The following CLTB variants were observed in gnomAD, a reference collection of about 807,000 sequenced individuals.
CLTB encodes clathrin light chain B, also known as clathrin, light chain (Lcb).
Under a neutral mutation model 30.5 loss-of-function variants are expected in CLTB, and 10 were observed. The observed-to-expected ratio is 0.33, with a 90% confidence interval of 0.20 to 0.56. The LOEUF (loss-of-function observed/expected upper bound fraction) is 0.56. Ranked by LOEUF, CLTB falls within the 20% of genes least tolerant of loss-of-function variation. The pLI, the probability that CLTB is intolerant of heterozygous loss-of-function variation, is 0.91. For synonymous variants in CLTB, 102 were observed against 120.3 expected (o/e 0.85, Z 1.00); for missense variants, 261 against 308.3 (o/e 0.85, Z 1.15).
At chr5:176,403,734 G>A (rs1206689650) in intron 2 of CLTB, among the ~76,000 whole-genome samples, 2 of 151,264 alleles carry the variant, frequency 1.3e-5, no homozygotes, top group African/African-American at 4.9e-5. Context: ...TTACAGGCGT[G>A]AGCCACGGTG....
intron 2 of CLTB, among the ~76,000 whole-genome samples, chr5:176,398,345 T>C (rs1756653480): frequency 1.3e-5 from 2 of 152,172 alleles, no homozygotes; most frequent in African/African-American, 2.4e-5. Flanking sequence ...TGCCAGCCAC[T>C]TTCTTTGTCA....
Position 176,392,703 on chromosome 5 carries a change from C to T in CLTB, c.*71G>A. ...GTAGCAGCTGCTGCGAGTCTCCACC[C>T]CGACCAAAGCAGCTGCTCCTCCTGT... On this transcript the variant is annotated 3_prime_UTR_variant, in exon 6 of 6. Coordinates refer to ENST00000310418, the MANE Select transcript of CLTB (RefSeq NM_007097.5). The surrounding 1 kb of genome is among the most constrained non-coding windows in gnomAD (Gnocchi z 5.2). 1 of 1,562,098 alleles carries T rather than the reference C, an allele frequency of 6.4e-7. No individual in the cohort carries two copies. The highest frequency in any genetic ancestry group is 1.1e-5 in the South Asian group (1 of 88,008).
intron 2 of CLTB, chr5:176,406,302 G>A (rs1051901871): frequency 1.5e-5 from 16 of 1,054,044 alleles, no homozygotes; most frequent in Non-Finnish European, 1.8e-5. Context: ...GGCAGGAGGC[G>A]ACAGTCAGGG....
At chr5:176,409,380 C>T (rs1450526784) in intron 2 of CLTB, among the ~76,000 whole-genome samples, 1 of 144,966 alleles carries the variant, frequency 6.9e-6, no homozygotes, top group Admixed American at 6.9e-5. Flanking sequence ...CATCTTTTCA[C>T]GTCAATACAG....
At position 176,398,006 on chromosome 5, in the gene CLTB, C is replaced by T; in HGVS notation, c.276G>A (p.Gln92=). The change falls in exon 3 of 6, where the codon CAG becomes CAA. Residue 92 remains glutamine (Q), a synonymous_variant. Coordinates refer to ENST00000310418, the MANE Select transcript of CLTB (RefSeq NM_007097.5). ...GPADGYAAIA[Q]ADRLTQEPES... ...CAGGCTCCTGGGTCAGCCTGTCAGC[C>T]TGGGCAATGGCTGCGTAGCCATCAG... is the stretch of plus-strand genomic sequence containing the variant. The T allele has an allele frequency of 6.2e-7, 1 of 1,614,132 alleles. No homozygotes were observed. The highest frequency in any genetic ancestry group is 8.5e-7 in the Non-Finnish European group (1 of 1,180,042).
intron 2 of CLTB, among the ~76,000 whole-genome samples, chr5:176,401,471 G>A (rs974276640): frequency 2.6e-5 from 4 of 152,146 alleles, no homozygotes; most frequent in Non-Finnish European, 2.9e-5. Flanking sequence ...AATCCTGAAC[G>A]TCACTTCACT....
intron 2 of CLTB, chr5:176,406,820 G>A (rs1254875099): frequency 5.2e-6 from 4 of 774,866 alleles, no homozygotes; most frequent in African/African-American, 1.9e-5. Context: ...GGCCAGACCT[G>A]CTATGCTCAA....
rs570596417 is a variant in CLTB at position 176,411,942 on chromosome 5, T to C, written c.188-1639A>G. On this transcript the variant is annotated intron_variant, in intron 1 of 5. Transcript: ENST00000310418. The stretch of plus-strand genomic sequence containing the variant: ...CTGTAATCCCAGCACTTTGGGAGGC[T>C]GAGGTGGGCAGATCACGAAGTCAGG... Among the ~76,000 whole-genome samples the C allele has an allele frequency of 5.6e-4, 85 of 152,148 alleles. 1 individual carries two copies. The highest frequency in any genetic ancestry group is 7.7e-4 in the East Asian group (4 of 5,174).
chr5:176,396,050 G>A (rs1189797699), intron 5 of CLTB, among the ~76,000 whole-genome samples: 1 of 152,114 alleles, frequency 6.6e-6, no homozygotes, highest in African/African-American at 2.4e-5. Flanking sequence ...CAGGAGAATC[G>A]CTTGAACCCA....
At chr5:176,404,080 G>A (rs572774934) in intron 2 of CLTB, among the ~76,000 whole-genome samples, 6 of 152,348 alleles carry the variant, frequency 3.9e-5, no homozygotes, top group African/African-American at 1.4e-4. Flanking sequence ...TGTTTCACAG[G>A]TAGGTAAACT....
At chr5:176,396,578 T>C (rs957943442) in intron 4 of CLTB, 46 bp from the exon 5 acceptor site, 11 of 1,423,922 alleles carry the variant, frequency 7.7e-6, no homozygotes, top group Non-Finnish European at 8.9e-6. Flanking sequence ...GGAAGGCAGA[T>C]GGCAAGACAG....
chr5:176,399,832 C>G (rs1051331442), intron 2 of CLTB, among the ~76,000 whole-genome samples: 30 of 150,372 alleles, frequency 2.0e-4, no homozygotes, highest in African/African-American at 6.8e-4. Flanking sequence ...GAGCAGAGAT[C>G]GTGCCACTGC....
At chr5:176,412,107 C>A (rs772307640) in intron 1 of CLTB, among the ~76,000 whole-genome samples, 1 of 145,082 alleles carries the variant, frequency 6.9e-6, no homozygotes, top group Non-Finnish European at 1.5e-5. Context: ...ACCCGGGAGG[C>A]GGAGCTTGCA....
At chr5:176,411,229 G>A (rs529901103) in intron 1 of CLTB, among the ~76,000 whole-genome samples, 2 of 152,102 alleles carry the variant, frequency 1.3e-5, no homozygotes, top group Non-Finnish European at 2.9e-5. Context: ...CCATTCACAG[G>A]CCCCCTTGAC....
At chr5:176,401,893 C>G in intron 2 of CLTB, 1 of 400,450 alleles carries the variant, frequency 2.5e-6, no homozygotes, top group Non-Finnish European at 5.1e-6. Context: ...CCCTCCTGCC[C>G]TCACCGCCCC....
rs1561792310 is a variant in CLTB, at chr5:176,397,322, A to ACAGCCCC, written c.464+284_464+285insGGGGCTG. 5.3e-4 allele frequency among the ~76,000 whole-genome samples: 58 copies of ACAGCCCC among 109,992 alleles called. 2 individuals carry two copies. Among genetic ancestry groups the ACAGCCCC allele is most frequent in the Non-Finnish European group, 9.1e-4 (49 of 53,916 alleles). 72.2% of individuals were successfully genotyped at this position (109,992 alleles called of 152,430 possible). On this transcript the variant is annotated intron_variant, in intron 4 of 5. Transcript: ENST00000310418. The stretch of plus-strand genomic sequence containing the variant: ...TCCCCACAGCCCCTCTCATGTCCCC[A>ACAGCCCC]TAGCCCCTCTCATGTCCCCACAGCC...
At position 176,404,487 on chromosome 5, in the gene CLTB, G is replaced by C. The variant is rs568131299; in HGVS notation, c.234+5770C>G. 5.3e-5 allele frequency among the ~76,000 whole-genome samples: 8 copies of C among 152,338 alleles called. No individual in the cohort carries two copies. In the South Asian group the frequency reaches 1.7e-3, roughly 32 times the overall value. On this transcript the variant is annotated intron_variant, in intron 2 of 5. Coordinates refer to ENST00000310418, the MANE Select transcript of CLTB (RefSeq NM_007097.5). ...AGAGTAGTTAAGTGACTAGCCCACA[G>C]CCAGCCAGCTGGGAAAAAGCAGAAA... is the stretch of plus-strand genomic sequence containing the variant.
Position 176,397,738 on chromosome 5 carries a change from T to C in CLTB, c.353-20A>G, listed in dbSNP as rs1452784389. The C allele has an allele frequency of 2.5e-6, 4 of 1,604,776 alleles. No homozygotes were observed. The highest frequency in any genetic ancestry group is 1.1e-5 in the South Asian group (1 of 90,896). On this transcript the variant is annotated intron_variant, in intron 3 of 5. Transcript: ENST00000310418. Reference sequence around the variant, plus strand: ...CAGCATCTAGGACCCCACAAGAGAATGAGTGGCTGCTTTCCAGCTGGGATG... The same window carrying C: ...CAGCATCTAGGACCCCACAAGAGAACGAGTGGCTGCTTTCCAGCTGGGATG...
At chr5:176,394,664 A>G (rs1756428362) in intron 5 of CLTB, among the ~76,000 whole-genome samples, 1 of 152,006 alleles carries the variant, frequency 6.6e-6, no homozygotes, top group Non-Finnish European at 1.5e-5. Flanking sequence ...AAATACACAA[A>G]ATTAGCCGGG....
Sources: allele counts gnomAD v4.1 joint callset (sites outside exome capture counted in the v4.1 genomes callset), GRCh38; gene constraint gnomAD v4.1.1; non-coding constraint Gnocchi (gnomAD v3.1); transcripts MANE v1.5; gene names NCBI Gene and HGNC (gene_info 2026-07-23, HGNC 2026-07-21).